The following SELENOO variants were observed in gnomAD, a reference collection of about 807,000 sequenced individuals.
SELENOO encodes the protein protein adenylyltransferase SelO, mitochondrial.
A neutral mutation model predicts 58.7 loss-of-function variants in SELENOO; 74 were observed. The ratio of observed to expected loss-of-function variants is 1.26; its 90% CI spans 1.04 to 1.53. The LOEUF (loss-of-function observed/expected upper bound fraction) is 1.53. Among genes scored for constraint, SELENOO ranks in the 40% most tolerant of loss-of-function variants. SELENOO has a pLI of 0.00. For missense variants in SELENOO, 1,149 were observed against 970.0 expected, an observed-to-expected ratio of 1.18 and a Z score of -2.45; for synonymous variants, 543 against 453.2, an observed-to-expected ratio of 1.20 and a Z score of -2.52.
rs754854869 is a variant in SELENOO at position 50,216,728 on chromosome 22, C to T, written c.1540C>T (p.Pro514Ser). ...SMMLMLAQSN[P>S]QLFALMGTRA... Reference sequence around the variant, plus strand: ...GATGCTGATGCTGGCGCAGTCAAACCCGCAGCTGTTCGCGCTTATGGGCAC... The same window carrying T: ...GATGCTGATGCTGGCGCAGTCAAACTCGCAGCTGTTCGCGCTTATGGGCAC... The change falls in exon 7 of 9, where the codon CCG becomes TCG. Residue 514 changes from proline to serine, a missense_variant. Physicochemically the swap from Pro to Ser is moderately conservative, Grantham distance 74 (BLOSUM62 -1). Coordinates refer to ENST00000380903, the MANE Select transcript of SELENOO (RefSeq NM_031454.2). 3 of 1,603,534 alleles carry T rather than the reference C, an allele frequency of 1.9e-6. No homozygotes were observed. The highest frequency in any genetic ancestry group is 2.5e-6 in the Non-Finnish European group (3 of 1,177,658).
intron 5 of SELENOO, 130 bp downstream of exon 5, chr22:50,211,041 ATTCTACTCTC>A: frequency 2.2e-6 from 2 of 904,976 alleles, no homozygotes; most frequent in Non-Finnish European, 3.4e-6. Context: ...TGGCACCCCC[ATTCTACTCTC>A]TGTCTTTATG....
chr22:50,207,604 T>C (rs982582288), intron 2 of SELENOO, among the ~76,000 whole-genome samples: 1 of 151,020 alleles, frequency 6.6e-6, no homozygotes, highest in Non-Finnish European at 1.5e-5. Flanking sequence ...GGGAAAGATC[T>C]GGGGCCACGA....
chr22:50,209,692 C>A, intron 3 of SELENOO: 1 of 156,018 alleles, frequency 6.4e-6, no homozygotes, highest in Non-Finnish European at 1.4e-5. Flanking sequence ...CGGTGGGGCC[C>A]TCAGTGCACC....
At chr22:50,210,392 A>C (rs2147162967) in intron 4 of SELENOO, 81 bp downstream of exon 4, 1 of 1,540,024 alleles carries the variant, frequency 6.5e-7, no homozygotes, top group Non-Finnish European at 8.8e-7. Context: ...GCCCCCAGGC[A>C]CTGGCCCGTG....
At position 50,215,813 on chromosome 22, in the gene SELENOO, A is replaced by G. The variant is rs896317433; in HGVS notation, c.1448A>G (p.Gln483Arg). ...GAATTCCTGGCCAGGCTGATGGAGC[A>G]GTGTGCCTCCCTGGAGGAGCTGAGG... ...LAEFLARLME[Q>R]CASLEELRLA... The change falls in exon 6 of 9, where the codon CAG (glutamine) becomes CGG (arginine). Residue 483 changes from glutamine to arginine, a missense_variant. Transcript: ENST00000380903. 2 of 1,612,902 alleles carry G rather than the reference A, an allele frequency of 1.2e-6. No individual in the cohort carries two copies. Among genetic ancestry groups the G allele is most frequent in the South Asian group, 2.2e-5 (2 of 91,048 alleles).
chr22:50,216,641 GCAGGGACACGGT>G, intron 6 of SELENOO, 38 bp from the exon 7 acceptor site: 1 of 1,504,670 alleles, frequency 6.6e-7, no homozygotes, highest in Non-Finnish European at 8.9e-7. Context: ...TGCCTGCAGG[GCAGGGACACGGT>G]CAGGGGCTAC....
At chr22:50,215,637 G>C in intron 5 of SELENOO, 80 bp from the exon 6 acceptor site, 3 of 154,066 alleles carry the variant, frequency 1.9e-5, no homozygotes, top group South Asian at 2.5e-4. Flanking sequence ...CAGGGGGGTG[G>C]GGGGGGGGGG....
Position 50,203,266 on chromosome 22 carries a change from A to G in SELENOO, c.554+1676A>G, listed in dbSNP as rs988017841. Among the ~76,000 whole-genome samples, 3 of 152,034 alleles carry G rather than the reference A, an allele frequency of 2.0e-5. No individual in the cohort carries two copies. In the East Asian group the frequency reaches 5.8e-4, roughly 29 times the overall value. ...GTGGCGTGTGCTTCTAATTGCAGCTACTCAGGAGACTGAGGTGGAAGAATC... is the reference window on the plus strand; with the variant it reads ...GTGGCGTGTGCTTCTAATTGCAGCTGCTCAGGAGACTGAGGTGGAAGAATC... On this transcript the variant is annotated intron_variant, in intron 1 of 8. Coordinates refer to ENST00000380903, the MANE Select transcript of SELENOO (RefSeq NM_031454.2).
chr22:50,201,248 C>G lies in SELENOO; in HGVS notation c.212C>G (p.Pro71Arg). The G allele has an allele frequency of 6.4e-6, 7 of 1,085,724 alleles. No individual in the cohort carries two copies. Among genetic ancestry groups the G allele is most frequent in the Non-Finnish European group, 7.8e-6 (7 of 897,710 alleles). The allele number at this position is 1,085,724 out of a possible 1,614,324, so 67.3% of individuals were successfully genotyped here. A position where few individuals can be genotyped will look rare whatever the true frequency, so the allele number is the denominator to read the frequency against. The stretch of plus-strand genomic sequence containing the variant: ...CCGCCGCCCGGTCCCGAGGGCGCCC[C>G]GTCCGCGCCGCGGCCCGTGCCCGGG... ...EAPPPGPEGA[P>R]SAPRPVPGAC... The change falls in exon 1 of 9, where the codon CCG becomes CGG. Residue 71 changes from proline to arginine, a missense_variant. By Grantham distance (103) the Pro-to-Arg change is moderately radical. Coordinates refer to ENST00000380903, the MANE Select transcript of SELENOO (RefSeq NM_031454.2).
At chr22:50,206,653 G>A in intron 2 of SELENOO, 133 bp downstream of exon 2, 1 of 778,982 alleles carries the variant, frequency 1.3e-6, no homozygotes, top group Non-Finnish European at 2.0e-6. Context: ...AGTCCAGCCT[G>A]TCCCTGGCAG....
At chr22:50,202,969 G>C (rs1028317469) in intron 1 of SELENOO, among the ~76,000 whole-genome samples, 6 of 152,222 alleles carry the variant, frequency 3.9e-5, no homozygotes, top group Non-Finnish European at 8.8e-5. Flanking sequence ...CCTTGTTCGT[G>C]GGTTGGATAA....
At chr22:50,201,924 C>T (rs73435239) in intron 1 of SELENOO, among the ~76,000 whole-genome samples, 5,338 of 152,366 alleles carry the variant, frequency 0.035, 321 homozygotes, top group African/African-American at 0.12. Flanking sequence ...GGGCGGGCCG[C>T]TTCGTCCAGC....
chr22:50,216,548 T>A (rs989663709), intron 6 of SELENOO, 143 bp from the exon 7 acceptor site: 1 of 750,600 alleles, frequency 1.3e-6, no homozygotes, highest in African/African-American at 1.8e-5. Flanking sequence ...GCCAGTGGGG[T>A]TCCAGGGACC....
chr22:50,217,332 T>A lies in SELENOO; in HGVS notation c.1973T>A (p.Leu658His). The change falls in exon 9 of 9, where the codon CTC becomes CAC. Residue 658 changes from leucine to histidine, a missense_variant. Transcript: ENST00000380903. ...RQRSYSSKPPLWAAELCVTUS... is the reference protein window; with the variant it reads ...RQRSYSSKPPHWAAELCVTUS... ...CGCTCCTACAGCAGTAAGCCCCCGC[T>A]CTGGGCAGCAGAACTGTGCGTGACA... is the stretch of plus-strand genomic sequence containing the variant. 1 of 1,612,844 alleles carries A rather than the reference T, an allele frequency of 6.2e-7. No homozygotes were observed. The highest frequency in any genetic ancestry group is 2.2e-5 in the East Asian group (1 of 44,862).
In SELENOO at chr22:50,210,278, C is replaced by T; in HGVS notation, c.1037C>T (p.Thr346Ile). ...NTDNMSILGLTIDYGPFGFLD... is the reference protein window; with the variant it reads ...NTDNMSILGLIIDYGPFGFLD... The stretch of plus-strand genomic sequence containing the variant: ...GACAACATGAGCATCCTGGGGCTCA[C>T]CATCGACTACGGGCCCTTTGGCTTC... Residue 346 changes from threonine (T) to isoleucine (I), a missense_variant, in exon 4 of 9, where the codon ACC becomes ATC. Transcript: ENST00000380903. 1 of 1,613,376 alleles carries T rather than the reference C, an allele frequency of 6.2e-7. No homozygotes were observed. The highest frequency in any genetic ancestry group is 8.5e-7 in the Non-Finnish European group (1 of 1,179,944).
In SELENOO at chr22:50,210,728, GC is replaced by G. The variant is rs1569102996; in HGVS notation, c.1170del (p.Glu391ArgfsTer59). On this transcript the variant is annotated frameshift_variant, in exon 5 of 9. Transcript: ENST00000380903. LOFTEE classifies it high-confidence loss of function. Reference sequence around the variant, plus strand: ...GTGCAGGTGGAACCTGCGGAAGCTGGCCGAGGCCCTGCAGCCGGAACTGCCC... The same window carrying G: ...GTGCAGGTGGAACCTGCGGAAGCTGGCGAGGCCCTGCAGCCGGAACTGCCC... ...EVCRWNLRKL[A>X]EALQPELPLE... The G allele has an allele frequency of 2.5e-6, 4 of 1,613,504 alleles. No homozygotes were observed. The highest frequency in any genetic ancestry group is 3.4e-6 in the Non-Finnish European group (4 of 1,180,012).
At chr22:50,204,615 T>C (rs920781395) in intron 1 of SELENOO, among the ~76,000 whole-genome samples, 7 of 75,948 alleles carry the variant, frequency 9.2e-5, no homozygotes, top group Non-Finnish European at 1.5e-4. Context: ...AGTGAGACCC[T>C]GTCTCAAAAA....
rs200008304 is a variant in SELENOO, at chr22:50,208,536, G to A, written c.759G>A (p.Arg253=). Residue 253 remains arginine (R), a splice_region_variant and synonymous_variant, in exon 3 of 9, where the codon AGG becomes AGA. Transcript: ENST00000380903. The stretch of plus-strand genomic sequence containing the variant: ...TTGACGCCTCGGGTCTTCCCTCCAG[G>A]TTTGGATCCTTTGAGATTTTTAAGT... ...VVLRVASTFI[R]FGSFEIFKSA... is the part of the protein sequence containing the mutation. 6.8e-6 allele frequency: 11 copies of A among 1,612,910 alleles called. No individual in the cohort carries two copies. Among genetic ancestry groups the A allele is most frequent in the Non-Finnish European group, 8.5e-6 (10 of 1,179,244 alleles).
chr22:50,215,914 A>G lies in SELENOO; in HGVS notation c.1502+47A>G, dbSNP rs762353407. On this transcript the variant is annotated intron_variant, in intron 6 of 8. Transcript: ENST00000380903. The stretch of plus-strand genomic sequence containing the variant: ...CTTTGGATTTGTTTCCAGAAAAGGA[A>G]GCATAATCAGAAACAGAGGCTGGGG... 1.2e-5 allele frequency: 19 copies of G among 1,529,388 alleles called. No homozygotes were observed. In the African/African-American group the frequency reaches 2.3e-4, roughly 19 times the overall value. 94.7% of individuals were successfully genotyped at this position (1,529,388 alleles called of 1,614,324 possible).
Sources: allele counts gnomAD v4.1 joint callset (sites outside exome capture counted in the v4.1 genomes callset), GRCh38; gene constraint gnomAD v4.1.1; transcripts MANE v1.5; gene names NCBI Gene and HGNC (gene_info 2026-07-23, HGNC 2026-07-21).